Variants in BMPR1A observed in about 807,000 individuals in gnomAD.
BMPR1A encodes bone morphogenetic protein receptor type-1A.
BMPR1A carries 7 observed loss-of-function variants against 66.0 expected under a neutral mutation model. That is an observed-to-expected ratio of 0.11 (90% CI 0.06 to 0.20). The LOEUF (loss-of-function observed/expected upper bound fraction) is 0.20, where lower values mean the gene tolerates loss of function less well. BMPR1A is among the 10% of genes least tolerant of loss of function. The pLI, the probability that BMPR1A is intolerant of heterozygous loss-of-function variation, is 1.00. For missense variants in BMPR1A, 408 were observed against 669.1 expected (o/e 0.61, Z 4.31); for synonymous variants, 200 against 229.7 (o/e 0.87, Z 1.17).
rs375801626 is a variant in BMPR1A, at chr10:86,774,086, G to T, written c.-268+17167G>T. Among the ~76,000 whole-genome samples, 14 of 152,180 alleles carry T rather than the reference G, an allele frequency of 9.2e-5. No individual in the cohort carries two copies. The East Asian group carries it at 2.5e-3, about 27-fold the overall frequency. ...GGCTGGTCTCAAACTCCTGACCTCA[G>T]ATGATCGCCCGCCTCGGCCTCCGAA... On this transcript the variant is annotated intron_variant, in intron 1 of 12. Coordinates refer to ENST00000372037, the MANE Select transcript of BMPR1A (RefSeq NM_004329.3).
At chr10:86,929,319 G>A (rs936187083), downstream of BMPR1A, 1 of 152,074 alleles carries the variant, frequency 6.6e-6, no homozygotes, top group South Asian at 2.1e-4. Flanking sequence ...TTAGAGCGAT[G>A]GGATGCATTT....
At chr10:86,903,500 T>C (rs1843341167) in intron 7 of BMPR1A, among the ~76,000 whole-genome samples, 1 of 152,016 alleles carries the variant, frequency 6.6e-6, no homozygotes, top group Admixed American at 6.6e-5. Flanking sequence ...CAACTTCAGA[T>C]GGCCTAATAT....
chr10:86,903,601 TTTTA>T (rs528073264), intron 7 of BMPR1A, among the ~76,000 whole-genome samples: 117 of 151,360 alleles, frequency 7.7e-4, no homozygotes, highest in African/African-American at 2.7e-3. Flanking sequence ...TTATTATTAT[TTTTA>T]TTTATTTATT....
chr10:86,863,626 T>C (rs1324229374), intron 2 of BMPR1A, among the ~76,000 whole-genome samples: 1 of 152,152 alleles, frequency 6.6e-6, no homozygotes, highest in African/African-American at 2.4e-5. Context: ...GCCTTCTGGT[T>C]CTCCTTCTGG....
At chr10:86,876,771 C>T (rs1842926232) in intron 3 of BMPR1A, among the ~76,000 whole-genome samples, 1 of 152,128 alleles carries the variant, frequency 6.6e-6, no homozygotes. Context: ...GACTCTTGTC[C>T]CTGCCCCAAC....
intron 2 of BMPR1A, among the ~76,000 whole-genome samples, chr10:86,852,445 T>C (rs1176499151): frequency 6.6e-6 from 1 of 152,158 alleles, no homozygotes; most frequent in Non-Finnish European, 1.5e-5. Context: ...GGTGTCCCCC[T>C]GTAGCCCCTA....
chr10:86,907,447 G>C (rs1307651932), intron 7 of BMPR1A, among the ~76,000 whole-genome samples: 26 of 152,170 alleles, frequency 1.7e-4, no homozygotes. Context: ...ACTAAAATCA[G>C]AACTACCATA....
chr10:86,818,547 C>T (rs1020706461), intron 1 of BMPR1A, among the ~76,000 whole-genome samples: 7 of 152,050 alleles, frequency 4.6e-5, no homozygotes, highest in African/African-American at 1.2e-4. Flanking sequence ...TGGAAAGAAA[C>T]GTTAACTGAG....
rs1843758428 is a variant in BMPR1A at position 86,927,188 on chromosome 10, T to G, written c.*3469T>G. 1 of 187,332 alleles carries G rather than the reference T, an allele frequency of 5.3e-6. No individual in the cohort carries two copies. Among genetic ancestry groups the G allele is most frequent in the South Asian group, 1.9e-4 (1 of 5,138 alleles). The allele number at this position is 187,332 out of a possible 1,614,324, so 11.6% of individuals were successfully genotyped here. A position where few individuals can be genotyped will look rare whatever the true frequency, so the allele number is the denominator to read the frequency against. On this transcript the variant is annotated 3_prime_UTR_variant, in exon 13 of 13. Transcript: ENST00000372037. ...TTCTGTTTAGAACAAAAATGCACTATAGTTTTTAAAGAATCATGCATCTTT... is the reference window on the plus strand; with the variant it reads ...TTCTGTTTAGAACAAAAATGCACTAGAGTTTTTAAAGAATCATGCATCTTT...
chr10:86,762,683 G>A (rs1014807473), intron 1 of BMPR1A, among the ~76,000 whole-genome samples: 5 of 151,854 alleles, frequency 3.3e-5, no homozygotes, highest in East Asian at 1.9e-4. Context: ...TCAACTTAAG[G>A]CCTGGGTAGA....
intron 7 of BMPR1A, among the ~76,000 whole-genome samples, chr10:86,905,092 A>C (rs999318260): frequency 6.6e-6 from 1 of 152,210 alleles, no homozygotes; most frequent in African/African-American, 2.4e-5. Flanking sequence ...TGTTTGCCTC[A>C]TTAATATTTT....
intron 1 of BMPR1A, among the ~76,000 whole-genome samples, chr10:86,820,654 C>T (rs1296223001): frequency 6.6e-6 from 1 of 152,142 alleles, no homozygotes; most frequent in African/African-American, 2.4e-5. Flanking sequence ...ACTGCCATTA[C>T]CTCAGAGCTA....
intron 1 of BMPR1A, among the ~76,000 whole-genome samples, chr10:86,790,188 A>T (rs7073793): frequency 3.2e-3 from 65 of 20,166 alleles, no homozygotes; most frequent in Non-Finnish European, 3.6e-3. Flanking sequence ...AAAAAAAAAA[A>T]ATATATATAT....
intron 1 of BMPR1A, among the ~76,000 whole-genome samples, chr10:86,808,052 T>G (rs59153348): frequency 0.078 from 11,821 of 152,250 alleles, 899 homozygotes; most frequent in African/African-American, 0.19. Flanking sequence ...GTTTTCTGTT[T>G]TGGAAGGTTA....
At chr10:86,772,569 G>A (rs1468457063) in intron 1 of BMPR1A, among the ~76,000 whole-genome samples, 2 of 152,088 alleles carry the variant, frequency 1.3e-5, no homozygotes, top group East Asian at 3.9e-4. Flanking sequence ...GAGAGAACAA[G>A]AAGAAAAAGA....
intron 1 of BMPR1A, among the ~76,000 whole-genome samples, chr10:86,813,885 G>C (rs1021627916): frequency 7.9e-5 from 12 of 152,120 alleles, no homozygotes; most frequent in Admixed American, 2.0e-4. Context: ...TATTCCCTGA[G>C]TTTTTGTATG....
At chr10:86,914,213 A>G (rs1321713097) in intron 8 of BMPR1A, among the ~76,000 whole-genome samples, 1 of 152,182 alleles carries the variant, frequency 6.6e-6, no homozygotes, top group African/African-American at 2.4e-5. Context: ...TCCATTTACC[A>G]AGAAGTTAAT....
At chr10:86,895,097 T>G (rs750923903) in intron 5 of BMPR1A, among the ~76,000 whole-genome samples, 8 of 152,238 alleles carry the variant, frequency 5.3e-5, no homozygotes, top group Admixed American at 6.5e-5. Context: ...CAGTGTAGGC[T>G]ATGTCGGGAT....
intron 1 of BMPR1A, among the ~76,000 whole-genome samples, chr10:86,806,496 C>A (rs930334228): frequency 1.3e-5 from 2 of 152,104 alleles, no homozygotes; most frequent in Non-Finnish European, 2.9e-5. Context: ...TTTGATTTAT[C>A]TATTTAGTTG....
Sources: gnomAD v4.1 joint callset for allele counts (sites outside exome capture counted in the v4.1 genomes callset) on GRCh38, gnomAD v4.1.1 for gene constraint, MANE v1.5 for transcripts, NCBI Gene and HGNC (gene_info 2026-07-23, HGNC 2026-07-21) for gene names.